Variants in KCNN3 observed in about 807,000 individuals in gnomAD.
The protein encoded by KCNN3 is potassium calcium-activated channel subfamily N member 3, also known as small conductance calcium-activated potassium channel protein 3.
In KCNN3, 16 loss-of-function variants were observed where a neutral mutation model predicts 62.9. That is an observed-to-expected ratio of 0.25 (90% CI 0.17 to 0.39). The LOEUF is 0.39. KCNN3 is among the 10% of genes least tolerant of loss of function. The probability of loss-of-function intolerance (pLI) is 1.00; values close to 1 mark genes in which losing one functional copy is unlikely to be tolerated. For missense variants in KCNN3, 599 were observed against 949.4 expected (o/e 0.63, Z 4.85); for synonymous variants, 370 against 389.2 (o/e 0.95, Z 0.58).
At chr1:154,775,084 G>A (rs1648733509) in intron 2 of KCNN3, among the ~76,000 whole-genome samples, 1 of 152,260 alleles carries the variant, frequency 6.6e-6, no homozygotes, top group South Asian at 2.1e-4. Context: ...ATCAGGGAAT[G>A]AGGAGCCCTT....
chr1:154,727,378 A>G (rs967450745), intron 4 of KCNN3, among the ~76,000 whole-genome samples: 1 of 152,232 alleles, frequency 6.6e-6, no homozygotes, highest in Non-Finnish European at 1.5e-5. Flanking sequence ...TTTCAAAGGT[A>G]CTATAATCTA....
At chr1:154,717,093 A>G (rs752238224) in intron 5 of KCNN3, among the ~76,000 whole-genome samples, 3 of 152,214 alleles carry the variant, frequency 2.0e-5, no homozygotes, top group Non-Finnish European at 4.4e-5. Context: ...GGCTGCTATG[A>G]GGCAGTGATG....
chr1:154,865,289 A>T (rs1432832497), intron 1 of KCNN3, among the ~76,000 whole-genome samples: 2 of 152,086 alleles, frequency 1.3e-5, no homozygotes, highest in African/African-American at 4.8e-5. Flanking sequence ...TAAGATTCTC[A>T]ACAGAATCTC....
chr1:154,753,745 T>G (rs946562338), intron 3 of KCNN3, among the ~76,000 whole-genome samples: 1 of 152,202 alleles, frequency 6.6e-6, no homozygotes, highest in Non-Finnish European at 1.5e-5. Flanking sequence ...CAGTGTTTTA[T>G]GTTTCCCCCA....
At chr1:154,768,568 G>A (rs1188987554) in intron 3 of KCNN3, among the ~76,000 whole-genome samples, 2 of 152,220 alleles carry the variant, frequency 1.3e-5, no homozygotes, top group African/African-American at 4.8e-5. Context: ...GCCTGGCTGA[G>A]TGTCCTACTA....
At chr1:154,739,277 C>T (rs1216329786) in intron 3 of KCNN3, among the ~76,000 whole-genome samples, 1 of 152,200 alleles carries the variant, frequency 6.6e-6, no homozygotes, top group Non-Finnish European at 1.5e-5. Flanking sequence ...AACAAAACTA[C>T]ATGCAACATT....
chr1:154,838,117 G>T (rs1030414163), intron 1 of KCNN3, among the ~76,000 whole-genome samples: 3 of 152,180 alleles, frequency 2.0e-5, no homozygotes, highest in African/African-American at 7.2e-5. Flanking sequence ...GAGGTGGATG[G>T]ACAAGTACAG....
chr1:154,772,427 G>A lies in KCNN3; in HGVS notation c.1030-34C>T, dbSNP rs1189589409. The A allele has an allele frequency of 1.9e-6, 3 of 1,608,876 alleles. No individual in the cohort carries two copies. The highest frequency in any genetic ancestry group is 1.3e-5 in the African/African-American group (1 of 74,850). Reference sequence around the variant, plus strand: ...AGCAGAAAGTCCATTAGTGTGGCCAGGACCAGGAAGCCCACAGCAGGGTCC... The same window carrying A: ...AGCAGAAAGTCCATTAGTGTGGCCAAGACCAGGAAGCCCACAGCAGGGTCC... On this transcript the variant is annotated intron_variant, in intron 2 of 7. Transcript: ENST00000271915. This position sits in a 1 kb window ranked among gnomAD's most constrained non-coding sequence, Gnocchi z 5.6.
chr1:154,780,997 T>C (rs1250702100), intron 2 of KCNN3, among the ~76,000 whole-genome samples: 1 of 152,186 alleles, frequency 6.6e-6, no homozygotes, highest in Non-Finnish European at 1.5e-5. Flanking sequence ...ATTGTCCTCA[T>C]CTGAAACCAT....
chr1:154,795,411 C>T (rs1461099451), intron 2 of KCNN3, among the ~76,000 whole-genome samples: 1 of 152,190 alleles, frequency 6.6e-6, no homozygotes, highest in Non-Finnish European at 1.5e-5. Context: ...GTCGAGTCCC[C>T]CACCTACTGA....
At chr1:154,729,306 C>G (rs1700541048) in intron 4 of KCNN3, among the ~76,000 whole-genome samples, 1 of 152,160 alleles carries the variant, frequency 6.6e-6, no homozygotes, top group Admixed American at 6.5e-5. Flanking sequence ...CCTGGATGTG[C>G]TCTGTCCAAC....
In KCNN3 at chr1:154,798,948, A is replaced by G. The variant is rs1250867222; in HGVS notation, c.1029+23141T>C. The stretch of plus-strand genomic sequence containing the variant: ...TTTTTTTTTTTTTGAGACAGAGTCC[A>G]CTCTGTCACCCAGGCTGGAGTGCAG... On this transcript the variant is annotated intron_variant, in intron 2 of 7. Coordinates refer to ENST00000271915, the MANE Select transcript of KCNN3 (RefSeq NM_002249.6). 3.1e-3 allele frequency among the ~76,000 whole-genome samples: 429 copies of G among 139,118 alleles called. 1 individual carries two copies. The highest frequency in any genetic ancestry group is 0.011 in the African/African-American group (401 of 36,430). 91.3% of individuals were successfully genotyped at this position (139,118 alleles called of 152,430 possible). A position where few individuals can be genotyped will look rare whatever the true frequency, so the allele number is the denominator to read the frequency against.
chr1:154,818,401 C>T (rs1650756964), intron 2 of KCNN3, among the ~76,000 whole-genome samples: 1 of 152,198 alleles, frequency 6.6e-6, no homozygotes. Flanking sequence ...CCAGCAGCTC[C>T]GTCACAGTAG....
chr1:154,806,413 C>T (rs933676024), intron 2 of KCNN3, among the ~76,000 whole-genome samples: 2 of 152,222 alleles, frequency 1.3e-5, no homozygotes, highest in Non-Finnish European at 2.9e-5. Flanking sequence ...CCAGCTCTCT[C>T]AGCTGATGCT....
intron 7 of KCNN3, among the ~76,000 whole-genome samples, chr1:154,712,081 G>A (rs1162156761): frequency 6.6e-6 from 1 of 152,074 alleles, no homozygotes; most frequent in East Asian, 1.9e-4. Flanking sequence ...AACTGAAGCA[G>A]TCACTTAAAC....
At chr1:154,826,351 A>T (rs1383561383) in intron 1 of KCNN3, among the ~76,000 whole-genome samples, 1 of 152,192 alleles carries the variant, frequency 6.6e-6, no homozygotes, top group Non-Finnish European at 1.5e-5. Flanking sequence ...TGATGACAAT[A>T]ATCTGTAATA....
Position 154,699,717 on chromosome 1 carries a change from A to C in KCNN3, c.*8259T>G, listed in dbSNP as rs1268143619. On this transcript the variant is annotated 3_prime_UTR_variant, in exon 8 of 8. Coordinates refer to ENST00000271915, the MANE Select transcript of KCNN3 (RefSeq NM_002249.6). Reference sequence around the variant, plus strand: ...CTAACTTCTCTTGCTATTTTCCTCTAGGGGAGGGGAGTTCTTACTGGTGAG... The same window carrying C: ...CTAACTTCTCTTGCTATTTTCCTCTCGGGGAGGGGAGTTCTTACTGGTGAG... 2.0e-5 allele frequency: 3 copies of C among 152,114 alleles called. No homozygotes were observed. The highest frequency in any genetic ancestry group is 6.6e-5 in the Admixed American group (1 of 15,262). The allele number at this position is 152,114 out of a possible 1,614,324, so 9.4% of individuals were successfully genotyped here. A position where few individuals can be genotyped will look rare whatever the true frequency, so the allele number is the denominator to read the frequency against.
intron 3 of KCNN3, among the ~76,000 whole-genome samples, chr1:154,757,154 G>A (rs1647763167): frequency 6.6e-6 from 1 of 152,256 alleles, no homozygotes; most frequent in South Asian, 2.1e-4. Context: ...GATGTGTCCA[G>A]AGAGCAGGAG....
chr1:154,709,606 A>G (rs10908427), intron 7 of KCNN3, among the ~76,000 whole-genome samples: 78,519 of 151,936 alleles, frequency 0.52, 20,693 homozygotes, highest in East Asian at 0.7. Context: ...TACAGGCCCC[A>G]TGAGGAAATT....
Sources: gnomAD v4.1 joint callset for allele counts (sites outside exome capture counted in the v4.1 genomes callset) on GRCh38, gnomAD v4.1.1 for gene constraint, Gnocchi (gnomAD v3.1) non-coding constraint, MANE v1.5 for transcripts, NCBI Gene and HGNC (gene_info 2026-07-23, HGNC 2026-07-21) for gene names.